The following PCED1B variants were observed in gnomAD, a reference collection of about 807,000 sequenced individuals.
The protein encoded by PCED1B is PC-esterase domain-containing protein 1B.
For synonymous variants in PCED1B, 251 were observed against 246.1 expected (o/e 1.02, Z -0.19); for missense variants, 573 against 573.9 (o/e 1.00, Z 0.02).
intron 2 of PCED1B, among the ~76,000 whole-genome samples, chr12:47,200,814 G>A (rs1942741555): frequency 6.6e-6 from 1 of 152,204 alleles, no homozygotes; most frequent in South Asian, 2.1e-4. Context: ...TGCAGAGTAA[G>A]TGGAAAAAAT....
intron 3 of PCED1B, among the ~76,000 whole-genome samples, chr12:47,227,547 AT>A (rs1943670398): frequency 6.6e-6 from 1 of 151,916 alleles, no homozygotes; most frequent in Non-Finnish European, 1.5e-5. Flanking sequence ...TCATAGCTGC[AT>A]GTTCCATTAG....
chr12:47,171,003 G>T lies in PCED1B; in HGVS notation c.-525-45219G>T, dbSNP rs150204700. ...CAACCAAATCACTCTTTTTTTCACT[G>T]TTCCCACCAATAAATGAGACTTTTG... On this transcript the variant is annotated intron_variant, in intron 2 of 3. Coordinates refer to ENST00000546455, the MANE Select transcript of PCED1B (RefSeq NM_138371.3). 3.5e-4 allele frequency among the ~76,000 whole-genome samples: 51 copies of T among 145,936 alleles called. 1 individual carries two copies. The East Asian group carries it at 7.6e-3, about 22-fold the overall frequency.
chr12:47,147,069 C>T (rs1345236409), intron 2 of PCED1B, among the ~76,000 whole-genome samples: 4 of 132,436 alleles, frequency 3.0e-5, no homozygotes, highest in Non-Finnish European at 1.5e-5. Context: ...GGTGCAATCT[C>T]GGCTCACTGC....
chr12:47,082,503 C>T (rs1228681644), intron 1 of PCED1B, among the ~76,000 whole-genome samples: 5 of 152,198 alleles, frequency 3.3e-5, no homozygotes, highest in East Asian at 1.9e-4. Context: ...ATTTTCCACC[C>T]CACCCCCTTT....
intron 2 of PCED1B, among the ~76,000 whole-genome samples, chr12:47,153,314 C>A (rs1046140313): frequency 7.0e-6 from 1 of 141,906 alleles, no homozygotes; most frequent in African/African-American, 2.7e-5. Context: ...TGCACCACTG[C>A]ACTCCAACTC....
chr12:47,129,673 T>C (rs1042886136), intron 2 of PCED1B, among the ~76,000 whole-genome samples: 2 of 152,156 alleles, frequency 1.3e-5, no homozygotes, highest in African/African-American at 4.8e-5. Context: ...TAAATACCAC[T>C]GGGCAGTCTA....
chr12:47,159,045 T>G (rs1028847001), intron 2 of PCED1B, among the ~76,000 whole-genome samples: 1 of 151,920 alleles, frequency 6.6e-6, no homozygotes, highest in Non-Finnish European at 1.5e-5. Flanking sequence ...TAAGTCCCAT[T>G]CCATTCATAT....
chr12:47,202,960 T>A (rs1942811254), intron 2 of PCED1B, among the ~76,000 whole-genome samples: 1 of 149,664 alleles, frequency 6.7e-6, no homozygotes, highest in African/African-American at 2.4e-5. Flanking sequence ...AAGAATTACT[T>A]CTCTTTTCTT....
intron 2 of PCED1B, among the ~76,000 whole-genome samples, chr12:47,120,187 A>G (rs1041683439): frequency 6.6e-6 from 1 of 152,134 alleles, no homozygotes; most frequent in African/African-American, 2.4e-5. Flanking sequence ...CAGATAACAA[A>G]TGTTGACAAG....
chr12:47,182,547 C>T (rs772288561), intron 2 of PCED1B, among the ~76,000 whole-genome samples: 3 of 151,104 alleles, frequency 2.0e-5, no homozygotes, highest in Non-Finnish European at 2.9e-5. Context: ...GCCGAGATCA[C>T]GCCACTGCAC....
intron 2 of PCED1B, among the ~76,000 whole-genome samples, chr12:47,172,054 C>G (rs986163302): frequency 6.6e-6 from 1 of 152,048 alleles, no homozygotes; most frequent in Non-Finnish European, 1.5e-5. Flanking sequence ...GTGTGTGGAC[C>G]TTGGTAATAC....
intron 1 of PCED1B, among the ~76,000 whole-genome samples, chr12:47,095,056 G>A (rs530830206): frequency 2.7e-5 from 4 of 146,418 alleles, no homozygotes; most frequent in Admixed American, 6.9e-5. Flanking sequence ...ACTGGTGTGT[G>A]CCACTGTGCC....
chr12:47,141,611 A>G (rs1409388809), intron 2 of PCED1B, among the ~76,000 whole-genome samples: 1 of 152,120 alleles, frequency 6.6e-6, no homozygotes, highest in Non-Finnish European at 1.5e-5. Context: ...TCCTGCTCAC[A>G]CAGGAACCTG....
chr12:47,152,115 G>A (rs566598507), intron 2 of PCED1B, among the ~76,000 whole-genome samples: 84 of 152,284 alleles, frequency 5.5e-4, no homozygotes, highest in African/African-American at 1.9e-3. Flanking sequence ...AGTAATAACT[G>A]TTATAGGCTA....
chr12:47,123,501 A>G (rs1939763856), intron 2 of PCED1B, among the ~76,000 whole-genome samples: 1 of 152,260 alleles, frequency 6.6e-6, no homozygotes, highest in Middle Eastern at 3.4e-3. Flanking sequence ...TATATGGTTA[A>G]GATATACACA....
At chr12:47,115,893 A>G (rs1446749888) in intron 2 of PCED1B, among the ~76,000 whole-genome samples, 2 of 152,234 alleles carry the variant, frequency 1.3e-5, no homozygotes, top group Non-Finnish European at 2.9e-5. Context: ...AAGATATTGT[A>G]TGGATTGGTT....
At chr12:47,120,573 G>C (rs987697195) in intron 2 of PCED1B, among the ~76,000 whole-genome samples, 2 of 152,082 alleles carry the variant, frequency 1.3e-5, no homozygotes, top group African/African-American at 4.8e-5. Context: ...AGGCTGAGGT[G>C]GGAGGATCAC....
At chr12:47,086,951 T>A (rs927109256) in intron 1 of PCED1B, among the ~76,000 whole-genome samples, 8 of 152,204 alleles carry the variant, frequency 5.3e-5, no homozygotes, top group African/African-American at 1.9e-4. Context: ...AATATCTAAT[T>A]TGAAGCAGCC....
intron 1 of PCED1B, among the ~76,000 whole-genome samples, chr12:47,087,785 C>T (rs183962752): frequency 3.3e-5 from 5 of 152,262 alleles, no homozygotes; most frequent in East Asian, 1.9e-4. Context: ...AACCATTAAA[C>T]GGTCAGAGAT....
Sources: allele counts gnomAD v4.1 joint callset (sites outside exome capture counted in the v4.1 genomes callset), GRCh38; gene constraint gnomAD v4.1.1; transcripts MANE v1.5; gene names NCBI Gene and HGNC (gene_info 2026-07-23, HGNC 2026-07-21).